Variants in HTT observed in about 807,000 individuals in gnomAD.
HTT encodes huntington disease protein.
Under a neutral mutation model 362.3 loss-of-function variants are expected in HTT, and 104 were observed. That is an observed-to-expected ratio of 0.29 (90% CI 0.24 to 0.34). HTT has a LOEUF of 0.34. Ranked by LOEUF, HTT falls within the 10% of genes least tolerant of loss-of-function variation. The pLI is 1.00. For synonymous variants in HTT, 1,577 were observed against 1,548.7 expected, an observed-to-expected ratio of 1.02 and a Z score of -0.43; for missense variants, 3,301 against 3,928.6, an observed-to-expected ratio of 0.84 and a Z score of 4.27.
intron 1 of HTT, among the ~76,000 whole-genome samples, chr4:3,075,647 C>CGGGGGGGGGTGGGGGGG (rs1560535774): frequency 3.2e-5 from 2 of 61,682 alleles, no homozygotes; most frequent in Non-Finnish European, 5.9e-5. Context: ...AGTGGCGGGG[C>CGGGGGGGGGTGGGGGGG]AGGGGGGGGG....
chr4:3,229,382 T>G (rs1721109167), intron 59 of HTT, among the ~76,000 whole-genome samples: 1 of 132,232 alleles, frequency 7.6e-6, no homozygotes. Flanking sequence ...ACATGCCACG[T>G]GCACACACCC....
chr4:3,211,775 G>A (rs944985214), intron 47 of HTT, 154 bp from the exon 48 acceptor site: 3 of 599,918 alleles, frequency 5.0e-6, no homozygotes. Context: ...CAGGCATAGA[G>A]TAGAATTTTC....
chr4:3,130,445 C>G, intron 14 of HTT, 22 bp downstream of exon 14: 1 of 1,313,140 alleles, frequency 7.6e-7, no homozygotes, highest in Non-Finnish European at 1.1e-6. Context: ...AGGCTTGAGA[C>G]GACTTGGTGT....
At chr4:3,104,501 C>G (rs866703087) in intron 4 of HTT, among the ~76,000 whole-genome samples, 1 of 151,752 alleles carries the variant, frequency 6.6e-6, no homozygotes, top group Admixed American at 6.6e-5. Flanking sequence ...CCTGGCTACT[C>G]GGGAGGCTGA....
chr4:3,098,673 C>T (rs1426322372), intron 2 of HTT, among the ~76,000 whole-genome samples: 1 of 152,166 alleles, frequency 6.6e-6, no homozygotes, highest in Non-Finnish European at 1.5e-5. Flanking sequence ...GTTTTTGTGA[C>T]TCTTTGTCTC....
At chr4:3,122,859 A>G (rs1578516285) in intron 9 of HTT, 30 bp from the exon 10 acceptor site, 1 of 1,571,342 alleles carries the variant, frequency 6.4e-7, no homozygotes, top group East Asian at 2.3e-5. Context: ...TCAGCTTGTT[A>G]CTTTATCTGT....
In HTT at chr4:3,229,881, C is replaced by T. The variant is rs567859920; in HGVS notation, c.8110-6C>T. 1.2e-6 allele frequency: 2 copies of T among 1,614,004 alleles called. No homozygotes were observed. The highest frequency in any genetic ancestry group is 2.2e-5 in the East Asian group (1 of 44,878). On this transcript the variant is annotated splice_polypyrimidine_tract_variant and splice_region_variant and intron_variant, in intron 59 of 66. Transcript: ENST00000355072. Reference sequence around the variant, plus strand: ...CCCTTGCCCTCCTGGTTTTCCACATCTCCAGCTTCTAGTGGTCTCAGACTT... The same window carrying T: ...CCCTTGCCCTCCTGGTTTTCCACATTTCCAGCTTCTAGTGGTCTCAGACTT...
chr4:3,075,655 G>GGC (rs1712496101), intron 1 of HTT, among the ~76,000 whole-genome samples: 1 of 139,630 alleles, frequency 7.2e-6, no homozygotes, highest in African/African-American at 2.7e-5. Flanking sequence ...GGCAGGGGGG[G>GGC]GGCGGGGAGT....
intron 3 of HTT, among the ~76,000 whole-genome samples, chr4:3,100,451 T>A (rs767704763): frequency 7.2e-5 from 11 of 152,190 alleles, no homozygotes; most frequent in Non-Finnish European, 1.0e-4. Flanking sequence ...CTAATCACGC[T>A]TTCTGTGGTC....
chr4:3,115,589 T>C, intron 7 of HTT, 144 bp downstream of exon 7: 4 of 667,976 alleles, frequency 6.0e-6, no homozygotes, highest in Non-Finnish European at 2.5e-6. Flanking sequence ...CTGGGGCTGC[T>C]GTGAGCCCGC....
intron 22 of HTT, 85 bp downstream of exon 22, chr4:3,140,741 T>C: frequency 7.5e-7 from 1 of 1,333,836 alleles, no homozygotes; most frequent in East Asian, 2.3e-5. Flanking sequence ...GAAAACATTT[T>C]ATTTTCTAGA....
chr4:3,138,587 T>A (rs1040374794), intron 21 of HTT, among the ~76,000 whole-genome samples: 1 of 152,180 alleles, frequency 6.6e-6, no homozygotes, highest in African/African-American at 2.4e-5. Context: ...TATCAGTTTT[T>A]TGGGCAGAAG....
chr4:3,176,881 G>A (rs1718267639), intron 33 of HTT, among the ~76,000 whole-genome samples: 1 of 152,218 alleles, frequency 6.6e-6, no homozygotes. Flanking sequence ...TGGGAAAGCT[G>A]ACAGCTGCAG....
intron 49 of HTT, 147 bp from the exon 50 acceptor site, chr4:3,213,811 C>G (rs1720271097): frequency 2.4e-5 from 14 of 573,684 alleles, no homozygotes; most frequent in Non-Finnish European, 3.5e-5. Context: ...GTAATGGAGC[C>G]ATGTCAGAGC....
At chr4:3,237,353 C>T (rs1365870072) in intron 64 of HTT, among the ~76,000 whole-genome samples, 5 of 152,210 alleles carry the variant, frequency 3.3e-5, no homozygotes, top group Admixed American at 6.5e-5. Flanking sequence ...GGATTGCAGG[C>T]GTGAGCCACT....
At chr4:3,167,293 G>A (rs1717765610) in intron 29 of HTT, among the ~76,000 whole-genome samples, 1 of 151,958 alleles carries the variant, frequency 6.6e-6, no homozygotes, top group South Asian at 2.1e-4. Flanking sequence ...GGCTAGTCTC[G>A]AACTCCTGAC....
At position 3,206,905 on chromosome 4, in the gene HTT, C is replaced by T. The variant is rs200077637; in HGVS notation, c.5997C>T (p.Thr1999=). 7.4e-5 allele frequency: 119 copies of T among 1,614,106 alleles called. 1 individual carries two copies. The East Asian group carries it at 2.5e-3, about 34-fold the overall frequency. The part of the protein sequence containing the change: ...LTLYVDRLLC[T]PFRVLARMVD... ...TGTATGTGGACAGGCTTCTGTGCACCCCTTTCCGTGTGCTGGCTCGCATGG... is the reference window on the plus strand; with the variant it reads ...TGTATGTGGACAGGCTTCTGTGCACTCCTTTCCGTGTGCTGGCTCGCATGG... Residue 1999 remains threonine (T), a synonymous_variant, in exon 44 of 67, where the codon ACC becomes ACT. Transcript: ENST00000355072. The surrounding 1 kb of genome is among the most constrained non-coding windows in gnomAD (Gnocchi z 4.6).
At chr4:3,217,599 T>C (rs362325) in intron 51 of HTT, among the ~76,000 whole-genome samples, 166 bp from the exon 52 acceptor site, 19,957 of 152,196 alleles carry the variant, frequency 0.13, 1,805 homozygotes, top group African/African-American at 0.26. Flanking sequence ...AATTGTATGG[T>C]ATAGGCGGAT....
At chr4:3,122,976 C>T (rs751961638) in intron 10 of HTT, 40 bp downstream of exon 10, 2 of 1,518,612 alleles carry the variant, frequency 1.3e-6, no homozygotes, top group Admixed American at 1.8e-5. Flanking sequence ...TTGAATCTTA[C>T]TGATTTTCTT....
Sources: gnomAD v4.1 joint callset for allele counts (sites outside exome capture counted in the v4.1 genomes callset) on GRCh38, gnomAD v4.1.1 for gene constraint, Gnocchi (gnomAD v3.1) non-coding constraint, MANE v1.5 for transcripts, NCBI Gene and HGNC (gene_info 2026-07-23, HGNC 2026-07-21) for gene names.